Variants in COL25A1 observed in about 807,000 individuals in gnomAD.
COL25A1 encodes collagen type XXV alpha 1 chain.
A neutral mutation model predicts 128.4 loss-of-function variants in COL25A1; 103 were observed. That is an observed-to-expected ratio of 0.80 (90% confidence interval 0.68 to 0.94). COL25A1 has a LOEUF of 0.94. Among genes scored for constraint, COL25A1 ranks in the 40% least tolerant of loss-of-function variants. The pLI, the probability that COL25A1 is intolerant of heterozygous loss-of-function variation, is 0.00. For synonymous variants in COL25A1, 279 were observed against 277.2 expected (o/e 1.01, Z -0.06); for missense variants, 745 against 840.0 (o/e 0.89, Z 1.40).
intron 3 of COL25A1, among the ~76,000 whole-genome samples, chr4:109,213,622 G>A (rs1777760967): frequency 3.3e-5 from 5 of 152,170 alleles, no homozygotes; most frequent in Admixed American, 2.6e-4. Flanking sequence ...AGTCATCTTA[G>A]AAATGGATCC....
chr4:108,826,582 G>A (rs1298367268), intron 33 of COL25A1, among the ~76,000 whole-genome samples: 3 of 152,138 alleles, frequency 2.0e-5, no homozygotes, highest in African/African-American at 7.2e-5. Context: ...AGAAGACAGA[G>A]CACTATCAGT....
intron 20 of COL25A1, 80 bp from the exon 21 acceptor site, chr4:108,863,467 G>C: frequency 4.4e-3 from 4,196 of 954,556 alleles, no homozygotes; most frequent in Non-Finnish European, 6.0e-3. Flanking sequence ...TGAGTTGAAG[G>C]AAACCAAAGA....
At chr4:109,156,983 C>T (rs1464029141) in intron 3 of COL25A1, among the ~76,000 whole-genome samples, 1 of 152,176 alleles carries the variant, frequency 6.6e-6, no homozygotes. Flanking sequence ...GCACCTCTTT[C>T]ATTTTCAACC....
At chr4:109,064,371 T>A (rs576851069) in intron 3 of COL25A1, among the ~76,000 whole-genome samples, 52 of 152,332 alleles carry the variant, frequency 3.4e-4, no homozygotes, top group Non-Finnish European at 6.9e-4. Flanking sequence ...ATCCATAGTA[T>A]GCAAGTTTAG....
chr4:109,159,105 A>G (rs985326067), intron 3 of COL25A1, among the ~76,000 whole-genome samples: 3 of 152,028 alleles, frequency 2.0e-5, no homozygotes, highest in Admixed American at 6.6e-5. Flanking sequence ...CTTTTTACTA[A>G]TTAAACATGC....
chr4:109,056,725 T>A (rs1300077950), intron 3 of COL25A1, among the ~76,000 whole-genome samples: 1 of 152,026 alleles, frequency 6.6e-6, no homozygotes, highest in East Asian at 1.9e-4. Flanking sequence ...ACTGAGAGGA[T>A]ATGTATGTGT....
intron 3 of COL25A1, among the ~76,000 whole-genome samples, chr4:109,195,949 A>T (rs374532124): frequency 7.5e-4 from 114 of 152,328 alleles, no homozygotes; most frequent in South Asian, 4.8e-3. Context: ...AGGGACTTCC[A>T]GCTATTCTTT....
chr4:108,997,230 G>A (rs1754869449), intron 6 of COL25A1, among the ~76,000 whole-genome samples: 1 of 151,890 alleles, frequency 6.6e-6, no homozygotes, highest in South Asian at 2.1e-4. Flanking sequence ...CCACTAGCAA[G>A]ACTAATAAAG....
At chr4:108,953,198 T>C (rs11098016) in intron 8 of COL25A1, among the ~76,000 whole-genome samples, 14 of 152,240 alleles carry the variant, frequency 9.2e-5, no homozygotes, top group African/African-American at 3.1e-4. Context: ...AGGTAATGGA[T>C]TGCTTGGAAC....
At chr4:109,151,478 G>A (rs1053475086) in intron 3 of COL25A1, among the ~76,000 whole-genome samples, 2 of 151,998 alleles carry the variant, frequency 1.3e-5, no homozygotes, top group Non-Finnish European at 2.9e-5. Flanking sequence ...GGAGAAAAAT[G>A]ATCTATGTAA....
chr4:108,992,732 C>T (rs757277805), intron 6 of COL25A1, among the ~76,000 whole-genome samples: 2 of 152,124 alleles, frequency 1.3e-5, no homozygotes, highest in Non-Finnish European at 2.9e-5. Context: ...GCTAAGTGTT[C>T]AGTAAAATCT....
chr4:109,022,929 C>T (rs1237622872), intron 5 of COL25A1, among the ~76,000 whole-genome samples: 1 of 152,038 alleles, frequency 6.6e-6, no homozygotes, highest in East Asian at 1.9e-4. Context: ...CAAATTAAAG[C>T]CTTTCCTAAT....
chr4:109,234,984 GATAA>G (rs1337648209), intron 3 of COL25A1, among the ~76,000 whole-genome samples: 1 of 151,852 alleles, frequency 6.6e-6, no homozygotes. Flanking sequence ...CTGAGAAACA[GATAA>G]ATAAAGTTTA....
chr4:109,225,069 T>C (rs981157533), intron 3 of COL25A1, among the ~76,000 whole-genome samples: 9 of 152,182 alleles, frequency 5.9e-5, no homozygotes, highest in Non-Finnish European at 1.2e-4. Context: ...CCAAGCTGAT[T>C]ATGATAGAGG....
At chr4:109,276,417 A>C (rs1226779376) in intron 3 of COL25A1, among the ~76,000 whole-genome samples, 1 of 152,034 alleles carries the variant, frequency 6.6e-6, no homozygotes, top group Non-Finnish European at 1.5e-5. Flanking sequence ...GTCTCAAAAA[A>C]AAAAAAAAAA....
At chr4:109,267,812 A>G (rs771445728) in intron 3 of COL25A1, among the ~76,000 whole-genome samples, 1 of 152,192 alleles carries the variant, frequency 6.6e-6, no homozygotes, top group Non-Finnish European at 1.5e-5. Context: ...AAAATCTGAA[A>G]TACTTCAGGT....
chr4:109,013,028 G>A (rs1448909770), intron 5 of COL25A1, among the ~76,000 whole-genome samples: 2 of 152,172 alleles, frequency 1.3e-5, no homozygotes, highest in Non-Finnish European at 1.5e-5. Context: ...GTTCGTGGAT[G>A]CACCAATCAG....
chr4:109,017,341 G>A (rs888042746), intron 5 of COL25A1, among the ~76,000 whole-genome samples: 1 of 152,206 alleles, frequency 6.6e-6, no homozygotes, highest in African/African-American at 2.4e-5. Context: ...CTGGTAGCAT[G>A]AGCTGAGCAC....
rs1742067829 is a variant in COL25A1, at chr4:108,895,936, A to C, written c.906+731T>G. Among the ~76,000 whole-genome samples the C allele has an allele frequency of 2.2e-5, 3 of 139,318 alleles. No individual in the cohort carries two copies. In the South Asian group the frequency reaches 7.0e-4, roughly 33 times the overall value. The allele number at this position is 139,318 out of a possible 152,430, so 91.4% of individuals were successfully genotyped here. On this transcript the variant is annotated intron_variant, in intron 16 of 37. Transcript: ENST00000399132. Reference sequence around the variant, plus strand: ...ATATCATTCTTAAGCCTTATAATCAAACTTTTTTTTTTTTTTTTTTTTTTT... The same window carrying C: ...ATATCATTCTTAAGCCTTATAATCACACTTTTTTTTTTTTTTTTTTTTTTT...
Sources: allele counts gnomAD v4.1 joint callset (sites outside exome capture counted in the v4.1 genomes callset), GRCh38; gene constraint gnomAD v4.1.1; transcripts MANE v1.5; gene names NCBI Gene and HGNC (gene_info 2026-07-23, HGNC 2026-07-21).